Variants in ANKRD61 observed in about 807,000 individuals in gnomAD.
ANKRD61 encodes the protein ankyrin repeat domain 61, also known as ankyrin repeat domain-containing protein 61.
A neutral mutation model predicts 8.4 loss-of-function variants in ANKRD61; 7 were observed. The ratio of observed to expected loss-of-function variants is 0.84; its 90% CI spans 0.48 to 1.57. The LOEUF (loss-of-function observed/expected upper bound fraction) is 1.57. Ranked by LOEUF, ANKRD61 falls within the 40% of genes most tolerant of loss-of-function variation. The pLI is 0.00. For synonymous variants in ANKRD61, 198 were observed against 208.0 expected (o/e 0.95, Z 0.41); for missense variants, 516 against 523.4 (o/e 0.99, Z 0.14).
chr7:6,034,008 C>G (rs994212213), intron 2 of ANKRD61, among the ~76,000 whole-genome samples: 1 of 151,564 alleles, frequency 6.6e-6, no homozygotes, highest in Non-Finnish European at 1.5e-5. Flanking sequence ...TAATACTATC[C>G]GAGTGAATGA....
In ANKRD61 at chr7:6,036,268, G is replaced by A. The variant is rs750797103; in HGVS notation, c.1139G>A (p.Cys380Tyr). The A allele has an allele frequency of 3.2e-6, 5 of 1,549,760 alleles. No individual in the cohort carries two copies. Among genetic ancestry groups the A allele is most frequent in the South Asian group, 2.4e-5 (2 of 83,978 alleles). The change falls in exon 3 of 3, where the codon TGC becomes TAC. Residue 380 changes from cysteine to tyrosine, a missense_variant. Cys to Tyr is a radical substitution (Grantham distance 194). Coordinates refer to ENST00000409061, the MANE Select transcript of ANKRD61 (RefSeq NM_001271700.2). The surrounding 1 kb of genome is among the most constrained non-coding windows in gnomAD (Gnocchi z 4.6). ...SQKPLSLQGI[C>Y]KRNIRNIYGE... ...AAACCTTTATCCCTACAGGGTATCT[G>A]CAAAAGAAACATCAGGAATATTTAT...
chr7:6,034,735 A>T (rs80078608), intron 2 of ANKRD61, among the ~76,000 whole-genome samples: 6 of 152,178 alleles, frequency 3.9e-5, no homozygotes, highest in African/African-American at 1.4e-4. Context: ...TTACATAATA[A>T]ACCTTCCTTT....
rs1488649921 is a variant in ANKRD61, at chr7:6,032,573, A to C, written c.217-266A>C. Among the ~76,000 whole-genome samples, 1 of 152,236 alleles carries C rather than the reference A, an allele frequency of 6.6e-6. No individual in the cohort carries two copies. The highest frequency in any genetic ancestry group is 1.5e-5 in the Non-Finnish European group (1 of 68,046). The stretch of plus-strand genomic sequence containing the variant: ...AGGCTCTTCTGAAGAATCAACTTTC[A>C]AAAATTTCCAAAGCTTTTGAGTGTT... On this transcript the variant is annotated intron_variant, in intron 1 of 2. Transcript: ENST00000409061. The surrounding 1 kb of genome is among the most constrained non-coding windows in gnomAD (Gnocchi z 4.3).
chr7:6,036,299 G>C lies in ANKRD61; in HGVS notation c.1170G>C (p.Glu390Asp). Residue 390 changes from glutamate to aspartate, a missense_variant, in exon 3 of 3, where the codon GAG becomes GAC. Physicochemically the swap from Glu to Asp is conservative, Grantham distance 45 (BLOSUM62 2). Coordinates refer to ENST00000409061, the MANE Select transcript of ANKRD61 (RefSeq NM_001271700.2). This position sits in a 1 kb window ranked among gnomAD's most constrained non-coding sequence, Gnocchi z 4.6. ...GAAACATCAGGAATATTTATGGTGA[G>C]AAATACAAACAGCACTTGAAGCAAT... is the stretch of plus-strand genomic sequence containing the variant. ...CKRNIRNIYG[E>D]KYKQHLKQFL... The C allele has an allele frequency of 6.5e-7, 1 of 1,548,034 alleles. No homozygotes were observed.
At position 6,035,538 on chromosome 7, in the gene ANKRD61, A is replaced by G; in HGVS notation, c.409A>G (p.Ile137Val). 1 of 1,551,258 alleles carries G rather than the reference A, an allele frequency of 6.4e-7. No homozygotes were observed. Among genetic ancestry groups the G allele is most frequent in the Non-Finnish European group, 8.7e-7 (1 of 1,147,144 alleles). The change falls in exon 3 of 3, where the codon ATC becomes GTC. Residue 137 changes from isoleucine to valine, a missense_variant. Physicochemically the swap from Ile to Val is conservative, Grantham distance 29. Coordinates refer to ENST00000409061, the MANE Select transcript of ANKRD61 (RefSeq NM_001271700.2). This position sits in a 1 kb window ranked among gnomAD's most constrained non-coding sequence, Gnocchi z 5.5. ...AAAACCAGGCAACAGAACGCACAGGATCCTGACAGACATTCAGAATAGCAG... is the reference window on the plus strand; with the variant it reads ...AAAACCAGGCAACAGAACGCACAGGGTCCTGACAGACATTCAGAATAGCAG... ...WAKPGNRTHR[I>V]LTDIQNSSIT...
chr7:6,034,032 T>G (rs1018053405), intron 2 of ANKRD61, among the ~76,000 whole-genome samples: 2 of 149,518 alleles, frequency 1.3e-5, no homozygotes, highest in African/African-American at 4.9e-5. Context: ...AATTAAGTAG[T>G]ATAGGCCGGG....
rs1469882703 is a variant in ANKRD61, at chr7:6,032,952, C to T, written c.314+16C>T. 30 of 1,539,632 alleles carry T rather than the reference C, an allele frequency of 1.9e-5. No homozygotes were observed. The East Asian group carries it at 3.7e-4, about 19-fold the overall frequency. On this transcript the variant is annotated intron_variant, in intron 2 of 2. Transcript: ENST00000409061. The surrounding 1 kb of genome is among the most constrained non-coding windows in gnomAD (Gnocchi z 4.3). ...CAGAAGTCAGGTAAGTTAACTCCAC[C>T]GAAAATCATTTCTTTTTTTTTCTTT... is the stretch of plus-strand genomic sequence containing the variant.
In ANKRD61 at chr7:6,036,033, GC is replaced by G; in HGVS notation, c.905del (p.Ala302GlufsTer6). The G allele has an allele frequency of 1.3e-6, 2 of 1,551,030 alleles. No homozygotes were observed. The highest frequency in any genetic ancestry group is 2.4e-5 in the South Asian group (2 of 84,058). ...CATCAATCTCCTGCTTGAATTTGAA[GC>G]AAATGTTAACATTTTAACAAGAAAC... ...AIINLLLEFE[A>X]NVNILTRNGE... On this transcript the variant is annotated frameshift_variant, in exon 3 of 3. Coordinates refer to ENST00000409061, the MANE Select transcript of ANKRD61 (RefSeq NM_001271700.2). LOFTEE classifies it low-confidence loss of function (END_TRUNC). This position sits in a 1 kb window ranked among gnomAD's most constrained non-coding sequence, Gnocchi z 4.6.
chr7:6,034,701 C>T (rs1788025942), intron 2 of ANKRD61, among the ~76,000 whole-genome samples: 1 of 152,184 alleles, frequency 6.6e-6, no homozygotes, highest in Non-Finnish European at 1.5e-5. Context: ...AAATCATTTT[C>T]TAATTTCAGC....
chr7:6,031,972 G>C (rs905308727), intron 1 of ANKRD61, among the ~76,000 whole-genome samples: 1 of 152,116 alleles, frequency 6.6e-6, no homozygotes, highest in Admixed American at 6.6e-5. Flanking sequence ...TCAGGAGTTC[G>C]AGACCAGCCT....
Position 6,032,761 on chromosome 7 carries a change from T to C in ANKRD61, c.217-78T>C, listed in dbSNP as rs1358309121. The C allele has an allele frequency of 5.6e-6, 7 of 1,256,162 alleles. No individual in the cohort carries two copies. The highest frequency in any genetic ancestry group is 2.7e-5 in the South Asian group (2 of 75,078). The allele number at this position is 1,256,162 out of a possible 1,614,324, so 77.8% of individuals were successfully genotyped here. Reference sequence around the variant, plus strand: ...GAGACACTAAATAAATGTATTGCCTTTGAAACGGCAAGCTAACACAAACAG... The same window carrying C: ...GAGACACTAAATAAATGTATTGCCTCTGAAACGGCAAGCTAACACAAACAG... On this transcript the variant is annotated intron_variant, in intron 1 of 2. Coordinates refer to ENST00000409061, the MANE Select transcript of ANKRD61 (RefSeq NM_001271700.2). The surrounding 1 kb of genome is among the most constrained non-coding windows in gnomAD (Gnocchi z 4.3).
In ANKRD61 at chr7:6,036,196, T is replaced by C; in HGVS notation, c.1067T>C (p.Leu356Pro). Residue 356 changes from leucine (L) to proline (P), a missense_variant, in exon 3 of 3, where the codon CTA becomes CCA. Transcript: ENST00000409061. The surrounding 1 kb of genome is among the most constrained non-coding windows in gnomAD (Gnocchi z 4.6). ...NQGILPAGIMLPEFRLLRDTL... is the reference protein window; with the variant it reads ...NQGILPAGIMPPEFRLLRDTL... ...GGAATTCTACCTGCAGGAATCATGC[T>C]ACCAGAATTCCGCCTCTTAAGGGAC... The C allele has an allele frequency of 6.5e-7, 1 of 1,549,798 alleles. No individual in the cohort carries two copies. The highest frequency in any genetic ancestry group is 1.4e-5 in the African/African-American group (1 of 73,100).
rs1468182470 is a variant in ANKRD61, at chr7:6,032,975, T to C, written c.314+39T>C. On this transcript the variant is annotated intron_variant, in intron 2 of 2. Transcript: ENST00000409061. This position sits in a 1 kb window ranked among gnomAD's most constrained non-coding sequence, Gnocchi z 4.3. ...ACCGAAAATCATTTCTTTTTTTTTC[T>C]TTTTTGTTTTGAGGCAGGGGTCTCG... is the stretch of plus-strand genomic sequence containing the variant. 6.6e-7 allele frequency: 1 copy of C among 1,514,496 alleles called. No homozygotes were observed. Among genetic ancestry groups the C allele is most frequent in the Admixed American group, 2.0e-5 (1 of 50,418 alleles). The allele number at this position is 1,514,496 out of a possible 1,614,324, so 93.8% of individuals were successfully genotyped here. A position where few individuals can be genotyped will look rare whatever the true frequency, so the allele number is the denominator to read the frequency against.
chr7:6,034,248 A>C (rs1360665138), intron 2 of ANKRD61, among the ~76,000 whole-genome samples: 1 of 152,004 alleles, frequency 6.6e-6, no homozygotes, highest in Non-Finnish European at 1.5e-5. Context: ...CAGCAGTTGC[A>C]GTGAGCCAAA....
rs1380879539 is a variant in ANKRD61, at chr7:6,035,569, C to A, written c.440C>A (p.Thr147Lys). ...ACAGACATTCAGAATAGCAGCATCA[C>A]ATGTCTCCGCATCTTGTGTGCGCAC... The part of the protein sequence containing the change: ...ILTDIQNSSI[T>K]CLRILCAHGA... The change falls in exon 3 of 3, where the codon ACA (threonine) becomes AAA (lysine). Residue 147 changes from threonine (T) to lysine (K), a missense_variant. Thr to Lys is a moderately conservative substitution (Grantham distance 78). Coordinates refer to ENST00000409061, the MANE Select transcript of ANKRD61 (RefSeq NM_001271700.2). This position sits in a 1 kb window ranked among gnomAD's most constrained non-coding sequence, Gnocchi z 5.5. 6.4e-7 allele frequency: 1 copy of A among 1,551,072 alleles called. No individual in the cohort carries two copies. Among genetic ancestry groups the A allele is most frequent in the Non-Finnish European group, 8.7e-7 (1 of 1,147,124 alleles).
At chr7:6,031,800 G>C (rs1400447459) in intron 1 of ANKRD61, among the ~76,000 whole-genome samples, 1 of 152,092 alleles carries the variant, frequency 6.6e-6, no homozygotes, top group Non-Finnish European at 1.5e-5. Flanking sequence ...GAAAACACCA[G>C]ACCCTGTGTG....
At position 6,031,443 on chromosome 7, in the gene ANKRD61, G is replaced by T. The variant is rs772688273; in HGVS notation, c.68G>T (p.Gly23Val). ...VVDSAKSLED[G>V]PSAALHSKLY... is the part of the protein sequence containing the mutation. ...GACAGTGCCAAGTCCCTGGAAGATG[G>T]CCCATCTGCAGCACTTCACTCGAAA... Residue 23 changes from glycine to valine, a missense_variant, in exon 1 of 3, where the codon GGC becomes GTC. Transcript: ENST00000409061. 2.6e-6 allele frequency: 4 copies of T among 1,550,624 alleles called. No homozygotes were observed. The highest frequency in any genetic ancestry group is 3.5e-6 in the Non-Finnish European group (4 of 1,147,034).
At position 6,035,977 on chromosome 7, in the gene ANKRD61, A is replaced by G; in HGVS notation, c.848A>G (p.His283Arg). Residue 283 changes from histidine (H) to arginine (R), a missense_variant, in exon 3 of 3, where the codon CAT becomes CGT. Transcript: ENST00000409061. The surrounding 1 kb of genome is among the most constrained non-coding windows in gnomAD (Gnocchi z 5.5). Reference protein sequence around the residue: ...AQDYKGQTAIHEACFGGREAI... With the variant: ...AQDYKGQTAIREACFGGREAI... ...GACTACAAGGGCCAAACAGCCATCC[A>G]TGAGGCATGCTTTGGAGGCAGAGAG... is the stretch of plus-strand genomic sequence containing the variant. The G allele has an allele frequency of 6.4e-7, 1 of 1,550,690 alleles. No homozygotes were observed. Among genetic ancestry groups the G allele is most frequent in the Non-Finnish European group, 8.7e-7 (1 of 1,146,850 alleles).
At position 6,032,787 on chromosome 7, in the gene ANKRD61, T is replaced by C. The variant is rs890019187; in HGVS notation, c.217-52T>C. ...TGAAACGGCAAGCTAACACAAACAG[T>C]ATTTTTAACTACACAGGGCCACTTG... On this transcript the variant is annotated intron_variant, in intron 1 of 2. Transcript: ENST00000409061. The surrounding 1 kb of genome is among the most constrained non-coding windows in gnomAD (Gnocchi z 4.3). 1 of 1,427,338 alleles carries C rather than the reference T, an allele frequency of 7.0e-7. No homozygotes were observed. Among genetic ancestry groups the C allele is most frequent in the Non-Finnish European group, 9.6e-7 (1 of 1,038,716 alleles). The allele number at this position is 1,427,338 out of a possible 1,614,324, so 88.4% of individuals were successfully genotyped here.
Sources: allele counts gnomAD v4.1 joint callset (sites outside exome capture counted in the v4.1 genomes callset), GRCh38; gene constraint gnomAD v4.1.1; non-coding constraint Gnocchi (gnomAD v3.1); transcripts MANE v1.5; gene names NCBI Gene and HGNC (gene_info 2026-07-23, HGNC 2026-07-21).